NCOR1: variants seen among roughly 807,000 people sequenced by gnomAD.
NCOR1 encodes the protein nuclear receptor corepressor 1.
Under a neutral mutation model 288.1 loss-of-function variants are expected in NCOR1, and 63 were observed. The observed-to-expected ratio is 0.22, with a 90% CI of 0.18 to 0.27. The LOEUF is 0.27. Ranked by LOEUF, NCOR1 falls within the 10% of genes least tolerant of loss-of-function variation. The pLI is 1.00. For synonymous variants in NCOR1, 1,007 were observed against 1,065.9 expected (o/e 0.94, Z 1.08); for missense variants, 2,397 against 3,019.2 (o/e 0.79, Z 4.83).
chr17:16,163,052 A>C (rs2081197054), intron 5 of NCOR1, among the ~76,000 whole-genome samples: 1 of 152,170 alleles, frequency 6.6e-6, no homozygotes. Flanking sequence ...ACTCAAATAT[A>C]AGAGGTAAAA....
At position 16,101,319 on chromosome 17, in the gene NCOR1, T is replaced by G; in HGVS notation, c.2621A>C (p.Gln874Pro). 6.2e-7 allele frequency: 1 copy of G among 1,614,032 alleles called. No individual in the cohort carries two copies. Among genetic ancestry groups the G allele is most frequent in the South Asian group, 1.1e-5 (1 of 91,052 alleles). Residue 874 changes from glutamine (Q) to proline (P), a missense_variant, in exon 20 of 46, where the codon CAG becomes CCG. Physicochemically the swap from Gln to Pro is moderately conservative, Grantham distance 76. Coordinates refer to ENST00000268712, the MANE Select transcript of NCOR1 (RefSeq NM_006311.4). The part of the protein sequence containing the change: ...QQINAQRPEP[Q>P]SDNDSSATCS... ...CGTGGCACTGGAATCATTGTCTGAC[T>G]GGGGCTCGGGCCTTTGGGCATTTAT...
intron 40 of NCOR1, among the ~76,000 whole-genome samples, chr17:16,050,674 C>CT (rs200382132): frequency 1.9e-4 from 29 of 151,368 alleles, no homozygotes; most frequent in African/African-American, 6.3e-4. Context: ...AAGATAGCCA[C>CT]TTTTTTTTTA....
chr17:16,049,346 C>G (rs2059039101), intron 40 of NCOR1: 1 of 161,848 alleles, frequency 6.2e-6, no homozygotes, highest in Non-Finnish European at 1.3e-5. Flanking sequence ...CAGGTGAAAC[C>G]TCAAGGGTTT....
rs2060127419 is a variant in NCOR1, at chr17:16,058,051, T to C, written c.6024A>G (p.Arg2008=). Reference sequence around the variant, plus strand: ...AGTGATGTAATGGTCCTTCATATTGTCTGGTAGGATCATCTAGGAGAGAAC... The same window carrying C: ...AGTGATGTAATGGTCCTTCATATTGCCTGGTAGGATCATCTAGGAGAGAAC... ...KANQAENDPT[R]QYEGPLHHYR... The change falls in exon 39 of 46, where the codon AGA becomes AGG. Residue 2008 remains arginine (R), a synonymous_variant. Coordinates refer to ENST00000268712, the MANE Select transcript of NCOR1 (RefSeq NM_006311.4). 2 of 1,614,010 alleles carry C rather than the reference T, an allele frequency of 1.2e-6. No homozygotes were observed. Among genetic ancestry groups the C allele is most frequent in the African/African-American group, 2.7e-5 (2 of 74,934 alleles).
At position 16,040,479 on chromosome 17, in the gene NCOR1, C is replaced by A. The variant is rs2057354784; in HGVS notation, c.6695G>T (p.Gly2232Val). 1 of 1,613,408 alleles carries A rather than the reference C, an allele frequency of 6.2e-7. No individual in the cohort carries two copies. Among genetic ancestry groups the A allele is most frequent in the Admixed American group, 1.7e-5 (1 of 59,982 alleles). Reference sequence around the variant, plus strand: ...TGCTGGCAGATTAAAGATCTCAGTTCCTGGCTGAGCAGCTGCTATATTTAA... The same window carrying A: ...TGCTGGCAGATTAAAGATCTCAGTTACTGGCTGAGCAGCTGCTATATTTAA... ...GDSDMAAAQP[G>V]TEIFNLPAVT... is the part of the protein sequence containing the mutation. Residue 2232 changes from glycine to valine, a missense_variant, in exon 43 of 46, where the codon GGA (glycine) becomes GTA (valine). Transcript: ENST00000268712.
chr17:16,080,674 T>C lies in NCOR1; in HGVS notation c.3231A>G (p.Glu1077=). 6.2e-7 allele frequency: 1 copy of C among 1,614,158 alleles called. No individual in the cohort carries two copies. The highest frequency in any genetic ancestry group is 1.1e-5 in the South Asian group (1 of 91,078). ...TAGATCCCACTGACGGCTTGGGTGT[T>C]TCTTGAGTGTAGGAAGCCTGATTAT... ...TSHNQASYTQ[E]TPKPSVGSIS... The change falls in exon 24 of 46, where the codon GAA becomes GAG. Residue 1077 remains glutamate, a synonymous_variant. Transcript: ENST00000268712.
intron 11 of NCOR1, among the ~76,000 whole-genome samples, chr17:16,139,668 T>A (rs921264246): frequency 2.6e-5 from 4 of 152,222 alleles, no homozygotes; most frequent in African/African-American, 9.6e-5. Flanking sequence ...TAAATTAAAC[T>A]CACTTTACTA....
intron 18 of NCOR1, among the ~76,000 whole-genome samples, chr17:16,116,726 T>TG (rs1426145280): frequency 2.7e-5 from 4 of 148,256 alleles, no homozygotes; most frequent in African/African-American, 5.0e-5. Flanking sequence ...AGCAGAACTT[T>TG]ATGTTTACTT....
At chr17:16,107,289 T>C (rs1264039496) in intron 19 of NCOR1, among the ~76,000 whole-genome samples, 1 of 151,954 alleles carries the variant, frequency 6.6e-6, no homozygotes, top group Admixed American at 6.6e-5. Flanking sequence ...TACCCCCCAA[T>C]GTAACTGTAT....
At chr17:16,175,302 T>C (rs1021532336) in intron 3 of NCOR1, among the ~76,000 whole-genome samples, 2 of 151,630 alleles carry the variant, frequency 1.3e-5, no homozygotes, top group Non-Finnish European at 2.9e-5. Flanking sequence ...CAGGCAGAGG[T>C]TGCAGTGAGT....
At chr17:16,142,875 T>C (rs551520017) in intron 11 of NCOR1, among the ~76,000 whole-genome samples, 3 of 152,230 alleles carry the variant, frequency 2.0e-5, no homozygotes, top group Non-Finnish European at 4.4e-5. Flanking sequence ...CTGCTCTTTA[T>C]ACAGGCAGGA....
intron 26 of NCOR1, among the ~76,000 whole-genome samples, chr17:16,076,998 T>C (rs1174196141): frequency 6.6e-6 from 1 of 152,212 alleles, no homozygotes; most frequent in African/African-American, 2.4e-5. Context: ...TGAATTGGGC[T>C]ATGAAGTTTT....
intron 44 of NCOR1, among the ~76,000 whole-genome samples, chr17:16,035,527 GTTC>G (rs1974227707): frequency 1.5e-5 from 2 of 133,388 alleles, no homozygotes; most frequent in South Asian, 2.4e-4. Context: ...TAGTTCTCTT[GTTC>G]TTTTTTTTTT....
chr17:16,145,090 G>C (rs914045074), intron 10 of NCOR1, among the ~76,000 whole-genome samples: 4 of 152,140 alleles, frequency 2.6e-5, no homozygotes, highest in Non-Finnish European at 5.9e-5. Flanking sequence ...TGGTGGAGAC[G>C]GGGTTTCGCC....
chr17:16,208,351 C>G (rs1393795885), intron 1 of NCOR1, among the ~76,000 whole-genome samples: 1 of 151,306 alleles, frequency 6.6e-6, no homozygotes, highest in Non-Finnish European at 1.5e-5. Flanking sequence ...AGCCACCATG[C>G]CTGGCCAACC....
At chr17:16,099,850 T>C (rs2067280199) in intron 20 of NCOR1, among the ~76,000 whole-genome samples, 1 of 152,230 alleles carries the variant, frequency 6.6e-6, no homozygotes. Context: ...TTATTTCAAT[T>C]CATGCTGATG....
intron 4 of NCOR1, among the ~76,000 whole-genome samples, chr17:16,165,900 A>G (rs1439498452): frequency 6.6e-6 from 1 of 152,204 alleles, no homozygotes; most frequent in Non-Finnish European, 1.5e-5. Flanking sequence ...AAACAGATAA[A>G]TTTTAGAGTA....
At position 16,061,914 on chromosome 17, in the gene NCOR1, ACAGCTCTGTGAAGG is replaced by A. The variant is rs768373663; in HGVS notation, c.5388-34_5388-21del. On this transcript the variant is annotated intron_variant, in intron 36 of 45. Transcript: ENST00000268712. ...AGTGGCCTGTAAATAAAACCAAATC[ACAGCTCTGTGAAGG>A]GAAGACCATTTGCTGGGAATGTGGT... is the stretch of plus-strand genomic sequence containing the variant. 49 of 1,589,846 alleles carry A rather than the reference ACAGCTCTGTGAAGG, an allele frequency of 3.1e-5. No individual in the cohort carries two copies. The highest frequency in any genetic ancestry group is 4.1e-5 in the Non-Finnish European group (48 of 1,168,544).
intron 1 of NCOR1, among the ~76,000 whole-genome samples, chr17:16,206,679 C>T (rs746697554): frequency 4.6e-5 from 7 of 152,126 alleles, no homozygotes; most frequent in Non-Finnish European, 7.3e-5. Context: ...AGTCACCATG[C>T]CTGGCAAATT....
Sources: gnomAD v4.1 joint callset for allele counts (sites outside exome capture counted in the v4.1 genomes callset) on GRCh38, gnomAD v4.1.1 for gene constraint, MANE v1.5 for transcripts, NCBI Gene and HGNC (gene_info 2026-07-23, HGNC 2026-07-21) for gene names.